PARVG: variants seen among roughly 807,000 people sequenced by gnomAD.
PARVG encodes parvin gamma, also known as gamma-parvin.
PARVG carries 36 observed loss-of-function variants against 44.4 expected under a neutral mutation model. That is an observed-to-expected ratio of 0.81 (90% confidence interval 0.62 to 1.07). PARVG has a LOEUF of 1.07. Ranked by LOEUF, PARVG falls within the 50% of genes least tolerant of loss-of-function variation. The pLI is 0.00. For missense variants in PARVG, 407 were observed against 407.4 expected (o/e 1.00, Z 0.01); for synonymous variants, 170 against 174.1 (o/e 0.98, Z 0.19).
At chr22:44,198,950 CCATCCAT>C in intron 12 of PARVG, among the ~76,000 whole-genome samples, 1 of 94,156 alleles carries the variant, frequency 1.1e-5, no homozygotes, top group African/African-American at 3.6e-5. Flanking sequence ...ACCCACCCAT[CCATCCAT>C]CCATCCATCC....
At chr22:44,178,424 G>A (rs2054338589), upstream of PARVG, among the ~76,000 whole-genome samples, 1 of 152,182 alleles carries the variant, frequency 6.6e-6, no homozygotes, top group Admixed American at 6.5e-5. Flanking sequence ...AAAGATCAGA[G>A]CTTGCAGAGA....
chr22:44,193,677 A>C, intron 8 of PARVG, 124 bp from the exon 9 acceptor site: 1 of 1,270,866 alleles, frequency 7.9e-7, no homozygotes, highest in African/African-American at 1.5e-5. Context: ...CTGCCAGGAA[A>C]ACCACAAGCA....
intron 9 of PARVG, 22 bp from the exon 10 acceptor site, chr22:44,196,133 T>A: frequency 6.2e-7 from 1 of 1,613,704 alleles, no homozygotes; most frequent in Non-Finnish European, 8.5e-7. Flanking sequence ...TAATGAGGTG[T>A]TTATTGGATC....
rs2054771737 is a variant in PARVG, at chr22:44,205,759, G to A, written c.816G>A (p.Leu272=). ...YLTPNSPAEM[L]HNVTLALELL... is the part of the protein sequence containing the mutation. ...CTGATAGGGCCTTGTCATCATAGCTGCACAACGTCACCCTGGCGCTGGAGC... is the reference window on the plus strand; with the variant it reads ...CTGATAGGGCCTTGTCATCATAGCTACACAACGTCACCCTGGCGCTGGAGC... The change falls in exon 13 of 14, where the codon CTG becomes CTA. Residue 272 remains leucine (L), a splice_region_variant and synonymous_variant. Transcript: ENST00000444313. The A allele has an allele frequency of 1.9e-6, 3 of 1,613,608 alleles. No homozygotes were observed. The highest frequency in any genetic ancestry group is 3.3e-5 in the Admixed American group (2 of 60,016).
At chr22:44,198,576 G>T (rs200875106) in intron 11 of PARVG, 45 bp from the exon 12 acceptor site, 1 of 1,462,538 alleles carries the variant, frequency 6.8e-7, no homozygotes, top group African/African-American at 1.4e-5. Context: ...AGTGGGCTTC[G>T]CCAGGCTTCT....
At chr22:44,177,669 C>T (rs1004184744), upstream of PARVG, among the ~76,000 whole-genome samples, 1 of 152,070 alleles carries the variant, frequency 6.6e-6, no homozygotes, top group Admixed American at 6.6e-5. Flanking sequence ...TTCCTCTCAG[C>T]GCATCATTAC....
Position 44,190,676 on chromosome 22 carries a change from T to C in PARVG, c.504+10T>C. On this transcript the variant is annotated intron_variant, in intron 7 of 13. Transcript: ENST00000444313. ...GGTCATCACTATCGAGGTAGCAGCCTGGGCCCCAGGGATTTGTAAGCAGAA... is the reference window on the plus strand; with the variant it reads ...GGTCATCACTATCGAGGTAGCAGCCCGGGCCCCAGGGATTTGTAAGCAGAA... 6.3e-7 allele frequency: 1 copy of C among 1,597,622 alleles called. No homozygotes were observed. The highest frequency in any genetic ancestry group is 8.6e-7 in the Non-Finnish European group (1 of 1,164,852).
intron 13 of PARVG, 123 bp downstream of exon 13, chr22:44,205,952 C>A: frequency 1.7e-6 from 2 of 1,195,498 alleles, no homozygotes; most frequent in South Asian, 1.3e-5. Context: ...TCTTGCCTGG[C>A]AGGGGTGGAG....
chr22:44,172,986 G>A (rs951792479), exon 1 of PARVG: 2 of 1,289,386 alleles, frequency 1.6e-6, no homozygotes, highest in African/African-American at 3.0e-5. Flanking sequence ...AATCTTTCAT[G>A]CATTTAGCAG....
At chr22:44,190,731 CCCTG>C in intron 7 of PARVG, 65 bp downstream of exon 7, 1 of 1,371,930 alleles carries the variant, frequency 7.3e-7, no homozygotes, top group Non-Finnish European at 1.0e-6. Context: ...CATTGCCGTA[CCCTG>C]CATGGGTGGA....
chr22:44,190,762 C>A, intron 7 of PARVG, 96 bp downstream of exon 7: 2 of 1,075,344 alleles, frequency 1.9e-6, no homozygotes, highest in Non-Finnish European at 1.4e-6. Flanking sequence ...TGGGGCGGGG[C>A]TGACCCAGGG....
upstream of PARVG, among the ~76,000 whole-genome samples, chr22:44,180,195 C>A (rs1267397620): frequency 6.6e-6 from 1 of 152,154 alleles, no homozygotes; most frequent in Non-Finnish European, 1.5e-5. Flanking sequence ...TATCCCGAGG[C>A]CCCTCTTAGA....
intron 9 of PARVG, among the ~76,000 whole-genome samples, chr22:44,194,884 T>G (rs1163518775): frequency 6.6e-6 from 1 of 152,014 alleles, no homozygotes; most frequent in Non-Finnish European, 1.5e-5. Flanking sequence ...CATCCATCCA[T>G]TCATCTATCC....
Position 44,206,693 on chromosome 22 carries a change from A to C in PARVG, c.*267A>C. 4.4e-6 allele frequency: 2 copies of C among 453,744 alleles called. No homozygotes were observed. The highest frequency in any genetic ancestry group is 8.0e-6 in the Non-Finnish European group (2 of 248,794). The allele number at this position is 453,744 out of a possible 1,614,324, so 28.1% of individuals were successfully genotyped here. A position where few individuals can be genotyped will look rare whatever the true frequency, so the allele number is the denominator to read the frequency against. The stretch of plus-strand genomic sequence containing the variant: ...GACAGGGTCCTGAGGAGGGCCCTTA[A>C]ACCTGCAGCCTCCCTCCCATGGGGT... On this transcript the variant is annotated 3_prime_UTR_variant, in exon 14 of 14. Coordinates refer to ENST00000444313, the MANE Select transcript of PARVG (RefSeq NM_022141.7).
chr22:44,197,115 C>A (rs184177570), intron 11 of PARVG, among the ~76,000 whole-genome samples: 3 of 152,206 alleles, frequency 2.0e-5, no homozygotes, highest in African/African-American at 7.2e-5. Context: ...CTGGGTTCTG[C>A]TGGGTGCTGG....
chr22:44,206,586 C>A lies in PARVG; in HGVS notation c.*160C>A, dbSNP rs1219094619. On this transcript the variant is annotated 3_prime_UTR_variant, in exon 14 of 14. Transcript: ENST00000444313. ...CCATCGTTGGATTATCTTTGAACCC[C>A]CTTGTGTGGATCATTTTGAGCCGCC... The A allele has an allele frequency of 4.4e-5, 29 of 656,670 alleles. No individual in the cohort carries two copies. Among genetic ancestry groups the A allele is most frequent in the Admixed American group, 3.4e-4 (12 of 35,596 alleles). The allele number at this position is 656,670 out of a possible 1,614,324, so 40.7% of individuals were successfully genotyped here.
chr22:44,203,605 G>A (rs1321165953), intron 12 of PARVG, among the ~76,000 whole-genome samples: 2 of 152,178 alleles, frequency 1.3e-5, no homozygotes, highest in Non-Finnish European at 2.9e-5. Flanking sequence ...TCAGGGTCTT[G>A]TTCTCACTCC....
intron 6 of PARVG, among the ~76,000 whole-genome samples, chr22:44,189,825 G>A (rs1030295974): frequency 1.3e-5 from 2 of 152,176 alleles, no homozygotes; most frequent in Non-Finnish European, 2.9e-5. Flanking sequence ...GCTGAGGCAG[G>A]AGAATCGCTT....
At chr22:44,190,515 C>G (rs374123575) in intron 6 of PARVG, 36 bp from the exon 7 acceptor site, 18 of 1,552,898 alleles carry the variant, frequency 1.2e-5, no homozygotes, top group Non-Finnish European at 1.6e-5. Context: ...TTTTGGCGGC[C>G]TCCTGGGCTC....
Sources: gnomAD v4.1 joint callset for allele counts (sites outside exome capture counted in the v4.1 genomes callset) on GRCh38, gnomAD v4.1.1 for gene constraint, MANE v1.5 for transcripts, NCBI Gene and HGNC (gene_info 2026-07-23, HGNC 2026-07-21) for gene names.